ANXA3: variants seen among roughly 807,000 people sequenced by gnomAD.
ANXA3 encodes the protein annexin A3.
ANXA3 carries 46 observed loss-of-function variants against 48.8 expected under a neutral mutation model. That is an observed-to-expected ratio of 0.94 (90% CI 0.74 to 1.21). The LOEUF (loss-of-function observed/expected upper bound fraction) is 1.21, where lower values mean the gene tolerates loss of function less well. ANXA3 is among the 50% of genes most tolerant of loss of function. ANXA3 has a pLI of 0.00. For synonymous variants in ANXA3, 128 were observed against 134.7 expected (o/e 0.95, Z 0.35); for missense variants, 383 against 378.6 (o/e 1.01, Z -0.10).
At chr4:78,567,125 G>A (rs974841565) in intron 2 of ANXA3, among the ~76,000 whole-genome samples, 1 of 152,234 alleles carries the variant, frequency 6.6e-6, no homozygotes, top group African/African-American at 2.4e-5. Flanking sequence ...AGGTGAGGAG[G>A]CTCTTAGGCG....
At chr4:78,573,300 T>C (rs545741268) in intron 3 of ANXA3, 33 bp downstream of exon 3, 4 of 1,499,372 alleles carry the variant, frequency 2.7e-6, no homozygotes, top group African/African-American at 1.4e-5. Flanking sequence ...TTTCTTAATG[T>C]TGAAGCAAAT....
intron 2 of ANXA3, among the ~76,000 whole-genome samples, chr4:78,568,186 C>T (rs904865174): frequency 6.6e-6 from 1 of 152,230 alleles, no homozygotes; most frequent in Non-Finnish European, 1.5e-5. Flanking sequence ...CCCATAACAC[C>T]TGCCTCACTT....
At chr4:78,560,046 T>C (rs903095841) in intron 2 of ANXA3, among the ~76,000 whole-genome samples, 2 of 152,184 alleles carry the variant, frequency 1.3e-5, no homozygotes, top group African/African-American at 2.4e-5. Context: ...ATTGGAATGG[T>C]TCTTTCAGCC....
In ANXA3 at chr4:78,573,512, G is replaced by A. The variant is rs540134498; in HGVS notation, c.103+245G>A. ...GGTCTAGGGGAGATCCCCAAATGCC[G>A]GGGGAATCTCAACCCTGGCTGGTAT... On this transcript the variant is annotated intron_variant, in intron 3 of 12. Transcript: ENST00000264908. 1.5e-4 allele frequency among the ~76,000 whole-genome samples: 23 copies of A among 152,230 alleles called. 1 individual carries two copies. The highest frequency in any genetic ancestry group is 6.2e-4 in the South Asian group (3 of 4,826).
At chr4:78,592,174 G>A (rs1407898499) in intron 7 of ANXA3, among the ~76,000 whole-genome samples, 1 of 152,102 alleles carries the variant, frequency 6.6e-6, no homozygotes, top group African/African-American at 2.4e-5. Flanking sequence ...ACCTAATGAG[G>A]CCACACCTTG....
intron 7 of ANXA3, among the ~76,000 whole-genome samples, chr4:78,593,271 C>T (rs1010194589): frequency 2.1e-4 from 32 of 152,072 alleles, no homozygotes; most frequent in East Asian, 9.7e-4. Flanking sequence ...GGTGCGATCT[C>T]GGCTCACTGC....
intron 4 of ANXA3, 44 bp from the exon 5 acceptor site, chr4:78,582,132 GA>G (rs766997397): frequency 4.4e-6 from 6 of 1,349,932 alleles, no homozygotes; most frequent in Non-Finnish European, 5.3e-6. Context: ...TAGAGAAAGA[GA>G]AAAAAAGTAT....
chr4:78,593,526 A>G (rs891834324), intron 7 of ANXA3, among the ~76,000 whole-genome samples: 11 of 151,192 alleles, frequency 7.3e-5, no homozygotes, highest in Middle Eastern at 6.8e-3. Context: ...TTTTTTAAAT[A>G]AACTTTACTT....
intron 2 of ANXA3, among the ~76,000 whole-genome samples, chr4:78,564,188 A>T (rs1257261959): frequency 6.6e-6 from 1 of 152,230 alleles, no homozygotes; most frequent in Non-Finnish European, 1.5e-5. Flanking sequence ...TGGGTTTGCT[A>T]CCTTTGTCAG....
intron 1 of ANXA3, among the ~76,000 whole-genome samples, 197 bp from the exon 2 acceptor site, chr4:78,554,239 C>A (rs1722463208): frequency 6.6e-6 from 1 of 152,110 alleles, no homozygotes; most frequent in African/African-American, 2.4e-5. Flanking sequence ...CTAGCACAGT[C>A]CCTTGCATAT....
intron 12 of ANXA3, among the ~76,000 whole-genome samples, chr4:78,606,687 A>C (rs1363377941): frequency 6.6e-6 from 1 of 152,184 alleles, no homozygotes; most frequent in African/African-American, 2.4e-5. Flanking sequence ...GAATGAATGA[A>C]TGAATGAATG....
chr4:78,604,129 T>C (rs1723600039), intron 11 of ANXA3, 148 bp from the exon 12 acceptor site: 1 of 713,730 alleles, frequency 1.4e-6, no homozygotes, highest in Admixed American at 3.1e-5. Flanking sequence ...ATTTCTTGAA[T>C]AATGAATGAT....
chr4:78,604,334 G>A lies in ANXA3; in HGVS notation c.847G>A (p.Asp283Asn), dbSNP rs953760923. 6.2e-7 allele frequency: 1 copy of A among 1,613,208 alleles called. No individual in the cohort carries two copies. The highest frequency in any genetic ancestry group is 1.7e-5 in the Admixed American group (1 of 59,996). ...NRIMVSRSEI[D>N]LLDIRTEFKK... ...AATAATGGTGTCCAGATCAGAAATT[G>A]ACCTTTTGGACATTCGAACAGAGTT... The change falls in exon 12 of 13, where the codon GAC becomes AAC. Residue 283 changes from aspartate to asparagine, a missense_variant. Coordinates refer to ENST00000264908, the MANE Select transcript of ANXA3 (RefSeq NM_005139.3).
intron 10 of ANXA3, 87 bp downstream of exon 10, chr4:78,597,501 G>C (rs1341562112): frequency 2.4e-6 from 2 of 846,666 alleles, no homozygotes; most frequent in Non-Finnish European, 3.8e-6. Flanking sequence ...CAAGAATCCT[G>C]ACTGATCCAT....
At chr4:78,578,331 A>AGAGAGAGAGAC (rs1560444874) in intron 3 of ANXA3, among the ~76,000 whole-genome samples, 2 of 41,380 alleles carry the variant, frequency 4.8e-5, no homozygotes, top group Non-Finnish European at 4.4e-5. Context: ...GAGAGAGAGA[A>AGAGAGAGAGAC]AGGGAGGGAG....
At position 78,591,546 on chromosome 4, in the gene ANXA3, T is replaced by C. The variant is rs376948856; in HGVS notation, c.406T>C (p.Tyr136His). Reference sequence around the variant, plus strand: ...ATTTCATTCTGATTTGGTTTCAGTATACAAGAAGAGTCTTGGAGATGACAT... The same window carrying C: ...ATTTCATTCTGATTTGGTTTCAGTACACAAGAAGAGTCTTGGAGATGACAT... Reference protein sequence around the residue: ...KDISQAYYTVYKKSLGDDISS... With the variant: ...KDISQAYYTVHKKSLGDDISS... Residue 136 changes from tyrosine to histidine, a missense_variant and splice_region_variant, in exon 7 of 13, where the codon TAC becomes CAC. Transcript: ENST00000264908. The C allele has an allele frequency of 1.9e-6, 3 of 1,609,024 alleles. No individual in the cohort carries two copies. The highest frequency in any genetic ancestry group is 1.1e-5 in the South Asian group (1 of 90,482).
intron 3 of ANXA3, 52 bp downstream of exon 3, chr4:78,573,319 T>C (rs1373223321): frequency 1.4e-6 from 2 of 1,383,296 alleles, no homozygotes; most frequent in Admixed American, 1.7e-5. Flanking sequence ...ATCAGGCAAG[T>C]TACAATCTAA....
rs1722468904 is a variant in ANXA3, at chr4:78,554,472, T to A, written c.-2T>A. The A allele has an allele frequency of 6.2e-7, 1 of 1,612,992 alleles. No individual in the cohort carries two copies. The highest frequency in any genetic ancestry group is 1.3e-5 in the African/African-American group (1 of 74,902). ...CTCAGCTCAAGGCAAAGGTGGGATA[T>A]CATGGCATCTATCTGGGTAAGTAAA... On this transcript the variant is annotated 5_prime_UTR_variant, in exon 2 of 13. Transcript: ENST00000264908.
Position 78,586,257 on chromosome 4 carries a change from T to C in ANXA3, c.313-3T>C, listed in dbSNP as rs71611026. Reference sequence around the variant, plus strand: ...AAAAATTAGATTTTCTTTTCCTTTTTAGGGCGCGGGAACAAACGAAGATGC... The same window carrying C: ...AAAAATTAGATTTTCTTTTCCTTTTCAGGGCGCGGGAACAAACGAAGATGC... On this transcript the variant is annotated splice_region_variant and splice_polypyrimidine_tract_variant and intron_variant, in intron 5 of 12. Transcript: ENST00000264908. The C allele has an allele frequency of 0.036, 57,450 of 1,610,914 alleles. 1,250 individuals carry two copies. Among genetic ancestry groups the C allele is most frequent in the Non-Finnish European group, 0.043 (50,533 of 1,178,524 alleles).
Sources: gnomAD v4.1 joint callset for allele counts (sites outside exome capture counted in the v4.1 genomes callset) on GRCh38, gnomAD v4.1.1 for gene constraint, MANE v1.5 for transcripts, NCBI Gene and HGNC (gene_info 2026-07-23, HGNC 2026-07-21) for gene names.